The following TNS1 variants were observed in gnomAD, a reference collection of about 807,000 sequenced individuals.
TNS1 encodes tensin 1.
In TNS1, 62 loss-of-function variants were observed where a neutral mutation model predicts 168.6. The ratio of observed to expected loss-of-function variants is 0.37; its 90% CI spans 0.30 to 0.45. The LOEUF is 0.45. TNS1 is among the 20% of genes least tolerant of loss of function. The pLI, the probability that TNS1 is intolerant of heterozygous loss-of-function variation, is 1.00. For missense variants in TNS1, 2,240 were observed against 2,339.4 expected (o/e 0.96, Z 0.88); for synonymous variants, 934 against 933.2 (o/e 1.00, Z -0.02).
intron 22 of TNS1, among the ~76,000 whole-genome samples, chr2:217,830,636 C>T (rs779387673): frequency 3.3e-5 from 5 of 152,242 alleles, no homozygotes; most frequent in Non-Finnish European, 7.3e-5. Context: ...TGCCCTCTAC[C>T]GTGCCAACAG....
chr2:218,028,902 C>A (rs1958870570), intron 1 of TNS1, among the ~76,000 whole-genome samples: 1 of 152,242 alleles, frequency 6.6e-6, no homozygotes, highest in Non-Finnish European at 1.5e-5. Flanking sequence ...ATACTTCCCA[C>A]TCACAGGCTG....
At chr2:217,936,353 G>A (rs1427364507) in intron 3 of TNS1, among the ~76,000 whole-genome samples, 1 of 152,192 alleles carries the variant, frequency 6.6e-6, no homozygotes, top group Admixed American at 6.5e-5. Flanking sequence ...TCCCAGGGCT[G>A]CGTGTGAAGA....
chr2:217,813,314 C>A lies in TNS1; in HGVS notation c.4862-7G>T, dbSNP rs780828054. ...AGCTCATGGGTCATGTCTCCTGGGA[C>A]AAAGAGAAAGAAATAAGGCTCAGTC... On this transcript the variant is annotated splice_region_variant and splice_polypyrimidine_tract_variant and intron_variant, in intron 26 of 32. Transcript: ENST00000682258. This position sits in a 1 kb window ranked among gnomAD's most constrained non-coding sequence, Gnocchi z 4.0. 6 of 1,572,074 alleles carry A rather than the reference C, an allele frequency of 3.8e-6. No homozygotes were observed. The highest frequency in any genetic ancestry group is 5.2e-6 in the Non-Finnish European group (6 of 1,155,754).
chr2:217,831,471 C>G lies in TNS1; in HGVS notation c.3357G>C (p.Leu1119=). The G allele has an allele frequency of 6.3e-7, 1 of 1,589,986 alleles. No individual in the cohort carries two copies. The highest frequency in any genetic ancestry group is 8.6e-7 in the Non-Finnish European group (1 of 1,168,716). ...CCAACTCACCTCCTGTGGGGTGCAA[C>G]AGGATGTCCGCTGGGTTGTGAGGTT... ...GLKPHNPADI[L]LHPTGEPRSY... Residue 1119 remains leucine (L), a synonymous_variant, in exon 22 of 33, where the codon CTG becomes CTC. Transcript: ENST00000682258.
intron 1 of TNS1, among the ~76,000 whole-genome samples, chr2:218,009,937 A>G (rs1958690769): frequency 6.6e-6 from 1 of 151,824 alleles, no homozygotes; most frequent in Non-Finnish European, 1.5e-5. Flanking sequence ...CGGAGTCCCA[A>G]ACTCTGCTGA....
In TNS1 at chr2:217,847,916, A is replaced by G. The variant is rs1946890081; in HGVS notation, c.2601T>C (p.Ser867=). Residue 867 remains serine (S), a synonymous_variant, in exon 19 of 33, where the codon TCT becomes TCC. Transcript: ENST00000682258. ...CAGAGAGGGGCTGGGAGGAGAGTGG[A>G]GAAGCCCCTGGCCAGGCCCCGGGGA... is the stretch of plus-strand genomic sequence containing the variant. ...QSVPGAWPGA[S]PLSSQPLSGS... 1 of 1,530,012 alleles carries G rather than the reference A, an allele frequency of 6.5e-7. No individual in the cohort carries two copies. The highest frequency in any genetic ancestry group is 8.8e-7 in the Non-Finnish European group (1 of 1,133,122). 94.8% of individuals were successfully genotyped at this position (1,530,012 alleles called of 1,614,324 possible).
chr2:217,844,947 C>G (rs1203051049), intron 19 of TNS1, among the ~76,000 whole-genome samples: 1 of 152,188 alleles, frequency 6.6e-6, no homozygotes, highest in Non-Finnish European at 1.5e-5. Flanking sequence ...ATGTTAGATG[C>G]AAGTGGTGAT....
chr2:217,905,442 C>A lies in TNS1; in HGVS notation c.321+893G>T, dbSNP rs1208509097. ...CAATGTGGTGGTGGCAGTGGGCTCA[C>A]CATGGGAGTCAGGCTGCCTATAGGA... On this transcript the variant is annotated intron_variant, in intron 6 of 32. Transcript: ENST00000682258. 1.7e-5 allele frequency: 7 copies of A among 411,218 alleles called. No individual in the cohort carries two copies. The Admixed American group carries it at 2.0e-4, about 12-fold the overall frequency. The allele number at this position is 411,218 out of a possible 1,614,324, so 25.5% of individuals were successfully genotyped here. A position where few individuals can be genotyped will look rare whatever the true frequency, so the allele number is the denominator to read the frequency against.
In TNS1 at chr2:217,941,559, C is replaced by T. The variant is rs543661271; in HGVS notation, c.187-21323G>A. 1.6e-4 allele frequency among the ~76,000 whole-genome samples: 25 copies of T among 152,260 alleles called. 1 individual carries two copies. The highest frequency in any genetic ancestry group is 1.0e-3 in the Admixed American group (16 of 15,298). On this transcript the variant is annotated intron_variant, in intron 3 of 32. Transcript: ENST00000682258. ...GGAGGGGGCCCCTGCGAGTGGTCTG[C>T]GCCCACGCCCCAGGCCAGAGGACAC...
intron 3 of TNS1, among the ~76,000 whole-genome samples, chr2:217,972,485 C>T (rs1442140115): frequency 1.3e-5 from 2 of 152,228 alleles, no homozygotes; most frequent in Non-Finnish European, 2.9e-5. Context: ...TATGGGATTT[C>T]CTTTCCTTTC....
intron 6 of TNS1, among the ~76,000 whole-genome samples, chr2:217,904,597 C>G (rs994366375): frequency 6.6e-6 from 1 of 152,198 alleles, no homozygotes; most frequent in Non-Finnish European, 1.5e-5. Context: ...CACTTACCCA[C>G]CCCGACACAC....
At chr2:218,031,953 C>T (rs1446236703) in intron 1 of TNS1, among the ~76,000 whole-genome samples, 8 of 152,244 alleles carry the variant, frequency 5.3e-5, no homozygotes, top group Non-Finnish European at 1.2e-4. Context: ...TCCACAAGCA[C>T]CCACTTGTCC....
intron 16 of TNS1, 111 bp downstream of exon 16, chr2:217,884,924 C>G (rs1175977072): frequency 9.2e-6 from 13 of 1,409,270 alleles, no homozygotes; most frequent in Non-Finnish European, 1.2e-5. Context: ...TGAGACTAGA[C>G]AGACCACATG....
chr2:217,983,858 C>G lies in TNS1; in HGVS notation c.149-5056G>C, dbSNP rs183788510. ...TGCAGTGGTTAATTTAATGAATCAA[C>G]TTGTCTAGGCCACGGTACCTAGATA... On this transcript the variant is annotated intron_variant, in intron 2 of 32. Transcript: ENST00000682258. Among the ~76,000 whole-genome samples, 3 of 152,320 alleles carry G rather than the reference C, an allele frequency of 2.0e-5. No individual in the cohort carries two copies. The East Asian group carries it at 5.8e-4, about 29-fold the overall frequency.
At chr2:217,817,368 G>C (rs945999716) in intron 24 of TNS1, among the ~76,000 whole-genome samples, 3 of 152,172 alleles carry the variant, frequency 2.0e-5, no homozygotes, top group Admixed American at 6.5e-5. Flanking sequence ...ACTCAGCTCA[G>C]AGCCTGGCAC....
At chr2:218,012,146 G>A (rs1032144938), upstream of TNS1, among the ~76,000 whole-genome samples, 2 of 152,158 alleles carry the variant, frequency 1.3e-5, no homozygotes, top group African/African-American at 4.8e-5. Flanking sequence ...CTTGTCAGAG[G>A]AAATAGATAA....
rs929081948 is a variant in TNS1, at chr2:217,880,128, G to T, written c.1429+770C>A. On this transcript the variant is annotated intron_variant, in intron 18 of 32. Transcript: ENST00000682258. The surrounding 1 kb of genome is among the most constrained non-coding windows in gnomAD (Gnocchi z 4.2). Reference sequence around the variant, plus strand: ...AAACCCCAGGCAGGGCATCTCAAGAGTTCCTGGGCTCTGGGCATGCTCACT... The same window carrying T: ...AAACCCCAGGCAGGGCATCTCAAGATTTCCTGGGCTCTGGGCATGCTCACT... 6.6e-6 allele frequency among the ~76,000 whole-genome samples: 1 copy of T among 152,208 alleles called. No homozygotes were observed. The highest frequency in any genetic ancestry group is 6.5e-5 in the Admixed American group (1 of 15,280).
intron 6 of TNS1, among the ~76,000 whole-genome samples, chr2:217,901,491 C>T (rs1952972522): frequency 6.6e-6 from 1 of 152,214 alleles, no homozygotes; most frequent in African/African-American, 2.4e-5. Context: ...CAACACCCTG[C>T]ATCGCCTCTA....
intron 4 of TNS1, among the ~76,000 whole-genome samples, chr2:217,919,498 C>A (rs1466682523): frequency 6.6e-6 from 1 of 152,250 alleles, no homozygotes; most frequent in Non-Finnish European, 1.5e-5. Flanking sequence ...AGAGCCTTGT[C>A]TGCTTCTAGG....
Sources: allele counts gnomAD v4.1 joint callset (sites outside exome capture counted in the v4.1 genomes callset), GRCh38; gene constraint gnomAD v4.1.1; non-coding constraint Gnocchi (gnomAD v3.1); transcripts MANE v1.5; gene names NCBI Gene and HGNC (gene_info 2026-07-23, HGNC 2026-07-21).